The following EIF2AK4 variants were observed in gnomAD, a reference collection of about 807,000 sequenced individuals.
The protein encoded by EIF2AK4 is eukaryotic translation initiation factor 2 alpha kinase 4.
Under a neutral mutation model 211.1 loss-of-function variants are expected in EIF2AK4, and 139 were observed. The ratio of observed to expected loss-of-function variants is 0.66; its 90% confidence interval spans 0.57 to 0.76. The LOEUF (loss-of-function observed/expected upper bound fraction) is 0.76, where lower values mean the gene tolerates loss of function less well. EIF2AK4 is among the 30% of genes least tolerant of loss of function. EIF2AK4 has a pLI of 0.00. For missense variants in EIF2AK4, 1,664 were observed against 2,043.8 expected (o/e 0.81, Z 3.58); for synonymous variants, 710 against 751.3 (o/e 0.94, Z 0.90).
At chr15:40,023,128 GT>G (rs1201791558) in intron 32 of EIF2AK4, among the ~76,000 whole-genome samples, 2 of 152,128 alleles carry the variant, frequency 1.3e-5, no homozygotes, top group Non-Finnish European at 2.9e-5. Context: ...ACTGGCTGTG[GT>G]TTTTTCCTAC....
At chr15:39,998,270 G>GTTTTTTTTTTTTTTTTTCTTTTTTTTTTT (rs11435806) in intron 19 of EIF2AK4, among the ~76,000 whole-genome samples, 1 of 125,396 alleles carries the variant, frequency 8.0e-6, no homozygotes, top group Non-Finnish European at 1.6e-5. Flanking sequence ...TTTTTTTTTT[G>GTTTTTTTTTTTTTTTTTCTTTTTTTTTTT]TTTTGTTTTT....
At chr15:39,989,272 A>G (rs948521850) in intron 15 of EIF2AK4, among the ~76,000 whole-genome samples, 1 of 152,238 alleles carries the variant, frequency 6.6e-6, no homozygotes, top group Non-Finnish European at 1.5e-5. Flanking sequence ...TGTCTAATGC[A>G]TTAACCAATA....
intron 1 of EIF2AK4, among the ~76,000 whole-genome samples, chr15:39,938,702 C>T (rs969684380): frequency 6.6e-6 from 1 of 152,106 alleles, no homozygotes; most frequent in East Asian, 1.9e-4. Context: ...CAGCTCTGTC[C>T]CTGTGTATCT....
chr15:40,007,127 C>T, intron 24 of EIF2AK4, 62 bp downstream of exon 24: 1 of 1,371,294 alleles, frequency 7.3e-7, no homozygotes, highest in Non-Finnish European at 1.0e-6. Context: ...AATTTGTCAA[C>T]CAGGAAAGAA....
At chr15:39,943,619 A>G (rs1475620581) in intron 3 of EIF2AK4, 134 bp downstream of exon 3, 1 of 704,552 alleles carries the variant, frequency 1.4e-6, no homozygotes, top group Non-Finnish European at 2.3e-6. Flanking sequence ...TTTATTTAAT[A>G]GGATTAATGA....
chr15:39,985,651 T>G (rs532196273), intron 13 of EIF2AK4, among the ~76,000 whole-genome samples, 154 bp from the exon 14 acceptor site: 1 of 152,344 alleles, frequency 6.6e-6, no homozygotes, highest in South Asian at 2.1e-4. Context: ...TGCTGTGAGC[T>G]TCTAAGGATA....
Position 39,992,853 on chromosome 15 carries a change from G to A in EIF2AK4, c.2766+5G>A. 1 of 1,613,944 alleles carries A rather than the reference G, an allele frequency of 6.2e-7. No homozygotes were observed. The highest frequency in any genetic ancestry group is 1.1e-5 in the South Asian group (1 of 91,068). On this transcript the variant is annotated splice_donor_5th_base_variant and intron_variant, in intron 18 of 38. Transcript: ENST00000263791. ...ACCAAATCTGCATACAACCAGGTAA[G>A]AGGTTTTGTGGGGAAAAGGAATCTC... is the stretch of plus-strand genomic sequence containing the variant.
Position 40,007,070 on chromosome 15 carries a change from GAAAC to G in EIF2AK4, c.3407+8_3407+11del. The G allele has an allele frequency of 6.3e-7, 1 of 1,584,860 alleles. No individual in the cohort carries two copies. Among genetic ancestry groups the G allele is most frequent in the East Asian group, 2.2e-5 (1 of 44,644 alleles). Reference sequence around the variant, plus strand: ...TAATATATTGAATTTAAAACGGTAAGAAACAATAGGAGATTCCATTTGGTAGACA... The same window carrying G: ...TAATATATTGAATTTAAAACGGTAAGAATAGGAGATTCCATTTGGTAGACA... On this transcript the variant is annotated splice_donor_region_variant and intron_variant, in intron 24 of 38. Transcript: ENST00000263791.
intron 13 of EIF2AK4, among the ~76,000 whole-genome samples, chr15:39,983,148 T>A (rs536218074): frequency 6.6e-6 from 1 of 152,342 alleles, no homozygotes; most frequent in African/African-American, 2.4e-5. Context: ...TTGAACTAAT[T>A]TACACTCCCA....
At chr15:39,986,759 G>A (rs2034871467) in intron 14 of EIF2AK4, among the ~76,000 whole-genome samples, 1 of 152,234 alleles carries the variant, frequency 6.6e-6, no homozygotes, top group Non-Finnish European at 1.5e-5. Context: ...GGAGGCTGAG[G>A]CAGGAGAATC....
Position 40,009,612 on chromosome 15 carries a change from A to T in EIF2AK4, c.3577-2A>T. On this transcript the variant is annotated splice_acceptor_variant, in intron 25 of 38. Transcript: ENST00000263791. LOFTEE classifies it high-confidence loss of function. ...AAATAGTAATTTTTCTCCATATCCCAGGAAAGAAATTACAGTATTTATTTG... is the reference window on the plus strand; with the variant it reads ...AAATAGTAATTTTTCTCCATATCCCTGGAAAGAAATTACAGTATTTATTTG... 6.4e-7 allele frequency: 1 copy of T among 1,557,882 alleles called. No individual in the cohort carries two copies. Among genetic ancestry groups the T allele is most frequent in the Non-Finnish European group, 8.7e-7 (1 of 1,147,012 alleles).
intron 7 of EIF2AK4, 69 bp from the exon 8 acceptor site, chr15:39,965,617 C>A: frequency 6.4e-7 from 1 of 1,561,114 alleles, no homozygotes. Flanking sequence ...GTGTATTACC[C>A]CCTCCCTTCC....
At position 40,032,774 on chromosome 15, in the gene EIF2AK4, A is replaced by C. The variant is rs372885956; in HGVS notation, c.4746A>C (p.Glu1582Asp). ...ATTCACAGGTGGATCTACCCAAAGAAACAATATTACAGTTTTTATCATTAG... is the reference window on the plus strand; with the variant it reads ...ATTCACAGGTGGATCTACCCAAAGACACAATATTACAGTTTTTATCATTAG... ...IEILAVDLPK[E>D]TILQFLSLEW... The change falls in exon 37 of 39, where the codon GAA becomes GAC. Residue 1582 changes from glutamate (E) to aspartate (D), a missense_variant. Transcript: ENST00000263791. The C allele has an allele frequency of 5.4e-5, 87 of 1,613,614 alleles. No individual in the cohort carries two copies. The highest frequency in any genetic ancestry group is 7.3e-5 in the Non-Finnish European group (86 of 1,179,876).
At chr15:40,027,717 C>T (rs767486529) in intron 33 of EIF2AK4, among the ~76,000 whole-genome samples, 12 of 151,998 alleles carry the variant, frequency 7.9e-5, no homozygotes, top group Non-Finnish European at 1.6e-4. Context: ...GGTGAAACCC[C>T]GTCTCTACTA....
intron 28 of EIF2AK4, 55 bp downstream of exon 28, chr15:40,016,727 AG>A: frequency 6.4e-7 from 1 of 1,569,656 alleles, no homozygotes; most frequent in Non-Finnish European, 8.7e-7. Context: ...CTAATAGCAC[AG>A]GGAGGAAATG....
At chr15:39,977,823 G>T in intron 12 of EIF2AK4, 1 of 279,396 alleles carries the variant, frequency 3.6e-6, no homozygotes, top group Non-Finnish European at 6.6e-6. Flanking sequence ...TATCCAAGTG[G>T]ATACAGTTTA....
chr15:39,968,962 A>G (rs146135319), intron 9 of EIF2AK4, among the ~76,000 whole-genome samples: 19 of 152,210 alleles, frequency 1.2e-4, no homozygotes, highest in African/African-American at 4.3e-4. Flanking sequence ...GCCTTGAAGT[A>G]TATGAAAATA....
chr15:40,034,312 T>A lies in EIF2AK4; in HGVS notation c.4774-14T>A, dbSNP rs1036948661. 5 of 1,609,230 alleles carry A rather than the reference T, an allele frequency of 3.1e-6. No homozygotes were observed. Among genetic ancestry groups the A allele is most frequent in the Non-Finnish European group, 4.3e-6 (5 of 1,176,298 alleles). On this transcript the variant is annotated splice_polypyrimidine_tract_variant and intron_variant, in intron 37 of 38. Transcript: ENST00000263791. The stretch of plus-strand genomic sequence containing the variant: ...TAGAGACCTGTTGTTAAGTCTTATC[T>A]ATTTTTTTCCTAGTGGGATGCTGAT...
At chr15:40,030,996 T>C (rs907406972) in intron 35 of EIF2AK4, among the ~76,000 whole-genome samples, 4 of 152,182 alleles carry the variant, frequency 2.6e-5, no homozygotes, top group Non-Finnish European at 5.9e-5. Flanking sequence ...TCCCAGCACT[T>C]TGGGAGGCCG....
Sources: allele counts gnomAD v4.1 joint callset (sites outside exome capture counted in the v4.1 genomes callset), GRCh38; gene constraint gnomAD v4.1.1; transcripts MANE v1.5; gene names NCBI Gene and HGNC (gene_info 2026-07-23, HGNC 2026-07-21).